ISYNA1: variants seen among roughly 807,000 people sequenced by gnomAD.
ISYNA1 encodes inositol-3-phosphate synthase 1.
ISYNA1 carries 34 observed loss-of-function variants against 50.3 expected under a neutral mutation model. The observed-to-expected ratio is 0.68, with a 90% CI of 0.51 to 0.90. The LOEUF is 0.90. Ranked by LOEUF, ISYNA1 falls within the 40% of genes least tolerant of loss-of-function variation. The pLI, the probability that ISYNA1 is intolerant of heterozygous loss-of-function variation, is 0.00. For missense variants in ISYNA1, 718 were observed against 784.8 expected, an observed-to-expected ratio of 0.91 and a Z score of 1.02; for synonymous variants, 396 against 349.9, an observed-to-expected ratio of 1.13 and a Z score of -1.47.
chr19:18,435,446 G>A lies in ISYNA1; in HGVS notation c.1292C>T (p.Ala431Val), dbSNP rs1309801100. The A allele has an allele frequency of 3.1e-6, 5 of 1,609,480 alleles. No homozygotes were observed. The highest frequency in any genetic ancestry group is 2.7e-5 in the African/African-American group (2 of 74,908). The change falls in exon 10 of 11, where the codon GCG becomes GTG. Residue 431 changes from alanine (A) to valine (V), a missense_variant. By Grantham distance (64) the Ala-to-Val change is moderately conservative. This residue lies in a region of ISYNA1 where 305 missense variants were observed against 292.6 expected (regional missense o/e 1.04). Coordinates refer to ENST00000338128, the MANE Select transcript of ISYNA1 (RefSeq NM_016368.5). The stretch of plus-strand genomic sequence containing the variant: ...GCGCTGGCACAGCTCGGTCAGCAGC[G>A]CTAGGTCCAGCATGATGGGTGCGGC... ...LLAAPIMLDL[A>V]LLTELCQRVS...
Position 18,437,713 on chromosome 19 carries a change from C to T in ISYNA1, c.168G>A (p.Val56=). The T allele has an allele frequency of 6.4e-7, 1 of 1,560,826 alleles. No homozygotes were observed. The highest frequency in any genetic ancestry group is 8.7e-7 in the Non-Finnish European group (1 of 1,156,032). Residue 56 remains valine (V), a synonymous_variant, in exon 3 of 11, where the codon GTG becomes GTA. Coordinates refer to ENST00000338128, the MANE Select transcript of ISYNA1 (RefSeq NM_016368.5). ...TRFTFRTARQ[V]PRLGVMLVGW... is the part of the protein sequence containing the mutation. ...CGACAAGCATGACCCCGAGCCGGGG[C>T]ACCTGCCGGGCGGTCCGGAAGGTGA...
chr19:18,434,907 G>A lies in ISYNA1; in HGVS notation c.*6C>T, dbSNP rs201744334. On this transcript the variant is annotated 3_prime_UTR_variant, in exon 11 of 11. Coordinates refer to ENST00000338128, the MANE Select transcript of ISYNA1 (RefSeq NM_016368.5). ...GGAAGAGCCGAGAAACTGTGTGACCGGGGCCTCAGGTGGTGGGCATTGGGG... is the reference window on the plus strand; with the variant it reads ...GGAAGAGCCGAGAAACTGTGTGACCAGGGCCTCAGGTGGTGGGCATTGGGG... The A allele has an allele frequency of 1.4e-5, 22 of 1,610,172 alleles. No homozygotes were observed. The highest frequency in any genetic ancestry group is 1.7e-5 in the Non-Finnish European group (20 of 1,178,110).
chr19:18,434,805 C>T lies in ISYNA1; in HGVS notation c.*108G>A, dbSNP rs1310221146. ...GTCAGGTCACAGGCCCCAAGAACCCCAGGTGGAAGGAGGGCTGAGTGGCAG... is the reference window on the plus strand; with the variant it reads ...GTCAGGTCACAGGCCCCAAGAACCCTAGGTGGAAGGAGGGCTGAGTGGCAG... On this transcript the variant is annotated 3_prime_UTR_variant, in exon 11 of 11. Transcript: ENST00000338128. The T allele has an allele frequency of 5.3e-6, 5 of 944,244 alleles. No individual in the cohort carries two copies. The highest frequency in any genetic ancestry group is 8.3e-6 in the Non-Finnish European group (5 of 602,888). The allele number at this position is 944,244 out of a possible 1,614,324, so 58.5% of individuals were successfully genotyped here. A position where few individuals can be genotyped will look rare whatever the true frequency, so the allele number is the denominator to read the frequency against.
rs1475639282 is a variant in ISYNA1, at chr19:18,437,091, G to T, written c.297C>A (p.Tyr99Ter). The T allele has an allele frequency of 6.3e-7, 1 of 1,583,860 alleles. No individual in the cohort carries two copies. ...TRSGRKEANY[Y>*]GSLTQAGTVS... ...CGGTGCCCGCCTGAGTCAGCGAGCC[G>T]TAGTAGTTGGCCTCCTGGGGGTCAG... The change falls in exon 4 of 11, where the codon TAC becomes TAA. Residue 99 changes from tyrosine (Y) to a stop codon, truncating the protein, a stop_gained. Coordinates refer to ENST00000338128, the MANE Select transcript of ISYNA1 (RefSeq NM_016368.5). LOFTEE classifies it high-confidence loss of function.
Position 18,437,079 on chromosome 19 carries a change from A to G in ISYNA1, c.309T>C (p.Thr103=). ...GGCCCAGGCTCACGGTGCCCGCCTG[A>G]GTCAGCGAGCCGTAGTAGTTGGCCT... ...RKEANYYGSL[T]QAGTVSLGLD... Residue 103 remains threonine, a synonymous_variant, in exon 4 of 11, where the codon ACT becomes ACC. Coordinates refer to ENST00000338128, the MANE Select transcript of ISYNA1 (RefSeq NM_016368.5). The G allele has an allele frequency of 6.4e-7, 1 of 1,573,666 alleles. No individual in the cohort carries two copies. The highest frequency in any genetic ancestry group is 8.6e-7 in the Non-Finnish European group (1 of 1,163,744).
At chr19:18,435,985 G>A (rs749269013) in intron 7 of ISYNA1, 47 bp downstream of exon 7, 14 of 1,612,278 alleles carry the variant, frequency 8.7e-6, no homozygotes, top group Admixed American at 6.7e-5. Flanking sequence ...AGGTGCTCGC[G>A]GCCCAGGCCC....
chr19:18,436,627 G>T, intron 5 of ISYNA1, 57 bp downstream of exon 5: 1 of 1,594,948 alleles, frequency 6.3e-7, no homozygotes, highest in South Asian at 1.1e-5. Flanking sequence ...CAAAAAGAGG[G>T]AACCAAGTGG....
Position 18,434,705 on chromosome 19 carries a change from G to T in ISYNA1, c.*208C>A. On this transcript the variant is annotated 3_prime_UTR_variant, in exon 11 of 11. Transcript: ENST00000338128. The stretch of plus-strand genomic sequence containing the variant: ...AGGTTCTGGGCTCTCCCTGGGAGTT[G>T]GGGTGATGACCATGGGCAGAGGGGA... The T allele has an allele frequency of 1.7e-6, 1 of 595,232 alleles. No individual in the cohort carries two copies. The highest frequency in any genetic ancestry group is 3.0e-6 in the Non-Finnish European group (1 of 335,466). 36.9% of individuals were successfully genotyped at this position (595,232 alleles called of 1,614,324 possible).
At position 18,437,004 on chromosome 19, in the gene ISYNA1, G is replaced by A. The variant is rs753819243; in HGVS notation, c.384C>T (p.Pro128=). The change falls in exon 4 of 11, where the codon CCC becomes CCT. Residue 128 remains proline (P), a synonymous_variant. Coordinates refer to ENST00000338128, the MANE Select transcript of ISYNA1 (RefSeq NM_016368.5). ...ACACGAGGTCGTTGGGCGCCACCAT[G>A]GGCAGCACCGCGCTGAAGGGTACGA... ...EVFVPFSAVL[P]MVAPNDLVFD... is the part of the protein sequence containing the mutation. 1.2e-6 allele frequency: 2 copies of A among 1,610,736 alleles called. No individual in the cohort carries two copies. Among genetic ancestry groups the A allele is most frequent in the Admixed American group, 1.7e-5 (1 of 59,946 alleles).
In ISYNA1 at chr19:18,436,443, A is replaced by C; in HGVS notation, c.646T>G (p.Ser216Ala). The change falls in exon 6 of 11, where the codon TCT becomes GCT. Residue 216 changes from serine (S) to alanine (A), a missense_variant. By Grantham distance (99) the Ser-to-Ala change is moderately conservative. Coordinates refer to ENST00000338128, the MANE Select transcript of ISYNA1 (RefSeq NM_016368.5). ...QIRRDIRDFR[S>A]SAGLDKVIVL... Reference sequence around the variant, plus strand: ...ATGACTTTGTCCAGCCCCGCGCTAGACCGGAAGTCTCGGATGTCCCTGCGG... The same window carrying C: ...ATGACTTTGTCCAGCCCCGCGCTAGCCCGGAAGTCTCGGATGTCCCTGCGG... The C allele has an allele frequency of 1.2e-6, 2 of 1,608,728 alleles. No individual in the cohort carries two copies. Among genetic ancestry groups the C allele is most frequent in the Non-Finnish European group, 1.7e-6 (2 of 1,179,822 alleles).
Position 18,434,807 on chromosome 19 carries a change from G to A in ISYNA1, c.*106C>T. ...CAGGTCACAGGCCCCAAGAACCCCA[G>A]GTGGAAGGAGGGCTGAGTGGCAGCG... On this transcript the variant is annotated 3_prime_UTR_variant, in exon 11 of 11. Transcript: ENST00000338128. 1 of 964,522 alleles carries A rather than the reference G, an allele frequency of 1.0e-6. No homozygotes were observed. Among genetic ancestry groups the A allele is most frequent in the Non-Finnish European group, 1.6e-6 (1 of 619,338 alleles). The allele number at this position is 964,522 out of a possible 1,614,324, so 59.7% of individuals were successfully genotyped here.
chr19:18,435,909 C>T lies in ISYNA1; in HGVS notation c.988G>A (p.Val330Met), dbSNP rs769634970. ...IGSGLKTMSI[V>M]SYNHLGNNDG... The stretch of plus-strand genomic sequence containing the variant: ...TTGTTGCCCAGGTGGTTGTAACTCA[C>T]GATGGACATGGTCTGTGGGTACAAG... Residue 330 changes from valine to methionine, a missense_variant, in exon 8 of 11, where the codon GTG (valine) becomes ATG (methionine). Coordinates refer to ENST00000338128, the MANE Select transcript of ISYNA1 (RefSeq NM_016368.5). 36 of 1,613,996 alleles carry T rather than the reference C, an allele frequency of 2.2e-5. No individual in the cohort carries two copies. In the South Asian group the frequency reaches 3.8e-4, roughly 17 times the overall value.
rs887542856 is a variant in ISYNA1, at chr19:18,437,627, A to G, written c.254T>C (p.Leu85Ser). ...GCGGCCGCTGCGCGTGGGCCAGGAC[A>G]AACGCAGTCGATTGGCCAGCACCGC... is the stretch of plus-strand genomic sequence containing the variant. ...TAAVLANRLR[L>S]SWPTRSGRKE... The change falls in exon 3 of 11, where the codon TTG becomes TCG. Residue 85 changes from leucine (L) to serine (S), a missense_variant. Transcript: ENST00000338128. 2 of 1,512,728 alleles carry G rather than the reference A, an allele frequency of 1.3e-6. No homozygotes were observed. The highest frequency in any genetic ancestry group is 2.8e-5 in the African/African-American group (2 of 71,358). The allele number at this position is 1,512,728 out of a possible 1,614,324, so 93.7% of individuals were successfully genotyped here. A position where few individuals can be genotyped will look rare whatever the true frequency, so the allele number is the denominator to read the frequency against.
chr19:18,437,988 G>A lies in ISYNA1; in HGVS notation c.-9C>T, dbSNP rs1974135847. On this transcript the variant is annotated splice_region_variant and 5_prime_UTR_variant, in exon 2 of 11. Transcript: ENST00000338128. ...TGGGCGGCGGCCTCCATCGCGGCGG[G>A]CTGGGGGCCCGGGGTGAGCAGGGGG... 1.9e-6 allele frequency: 3 copies of A among 1,561,730 alleles called. No individual in the cohort carries two copies. The highest frequency in any genetic ancestry group is 2.6e-6 in the Non-Finnish European group (3 of 1,155,832).
chr19:18,435,145 C>T lies in ISYNA1; in HGVS notation c.1473-28G>A, dbSNP rs1973912322. 7.5e-6 allele frequency: 12 copies of T among 1,610,602 alleles called. No homozygotes were observed. The East Asian group carries it at 2.7e-4, about 36-fold the overall frequency. On this transcript the variant is annotated intron_variant, in intron 10 of 10. Coordinates refer to ENST00000338128, the MANE Select transcript of ISYNA1 (RefSeq NM_016368.5). ...GGAGAGGTCACACAGCTTAGCAGAG[C>T]CAGACACCCACAGGGAGAAAGGGGG...
In ISYNA1 at chr19:18,436,366, GA is replaced by G. The variant is rs1433632890; in HGVS notation, c.722del (p.Leu241ProfsTer90). ...GCAGCAGGTTCTCGGCTGTGTCGTT[GA>G]GGCCTGGAATCACCTCACAGAAGCG... ...TERFCEVIPGLNDTAENLLRT... is the reference protein window; with the variant it reads ...TERFCEVIPGXNDTAENLLRT... On this transcript the variant is annotated frameshift_variant, in exon 6 of 11. Transcript: ENST00000338128. LOFTEE classifies it high-confidence loss of function. 1 of 1,612,526 alleles carries G rather than the reference GA, an allele frequency of 6.2e-7. No homozygotes were observed. Among genetic ancestry groups the G allele is most frequent in the Non-Finnish European group, 8.5e-7 (1 of 1,179,928 alleles).
At position 18,434,786 on chromosome 19, in the gene ISYNA1, T is replaced by G. The variant is rs1600385143; in HGVS notation, c.*127A>C. The G allele has an allele frequency of 3.8e-6, 3 of 788,576 alleles. No homozygotes were observed. In the South Asian group the frequency reaches 4.8e-5, roughly 13 times the overall value. The allele number at this position is 788,576 out of a possible 1,614,324, so 48.8% of individuals were successfully genotyped here. ...GGAAGTAGAGGGAGGCAGAGTCAGG[T>G]CACAGGCCCCAAGAACCCCAGGTGG... is the stretch of plus-strand genomic sequence containing the variant. On this transcript the variant is annotated 3_prime_UTR_variant, in exon 11 of 11. Transcript: ENST00000338128.
rs369473497 is a variant in ISYNA1 at position 18,436,392 on chromosome 19, G to T, written c.697C>A (p.Arg233Ser). The change falls in exon 6 of 11, where the codon CGC becomes AGC. Residue 233 changes from arginine to serine, a missense_variant. Coordinates refer to ENST00000338128, the MANE Select transcript of ISYNA1 (RefSeq NM_016368.5). ...AGGCCTGGAATCACCTCACAGAAGC[G>T]CTCCGTGTTCGCCGTCCACAGCACT... Reference protein sequence around the residue: ...VIVLWTANTERFCEVIPGLND... With the variant: ...VIVLWTANTESFCEVIPGLND... 2.0e-5 allele frequency: 32 copies of T among 1,612,046 alleles called. No homozygotes were observed. In the East Asian group the frequency reaches 4.7e-4, roughly 24 times the overall value.
rs775173727 is a variant in ISYNA1 at position 18,435,836 on chromosome 19, A to G, written c.1061T>C (p.Val354Ala). 3.1e-6 allele frequency: 5 copies of G among 1,613,792 alleles called. No individual in the cohort carries two copies. In the African/African-American group the frequency reaches 6.7e-5, roughly 22 times the overall value. Residue 354 changes from valine (V) to alanine (A), a missense_variant, in exon 8 of 11, where the codon GTG (valine) becomes GCG (alanine). This residue lies in a region of ISYNA1 where 305 missense variants were observed against 292.6 expected (regional missense o/e 1.04). Coordinates refer to ENST00000338128, the MANE Select transcript of ISYNA1 (RefSeq NM_016368.5). ...GTCGTCCACCACGTTGCTCTTGGAC[A>G]CCTCCTTAGAGCGGAACTGCAATGG... ...SAPLQFRSKE[V>A]SKSNVVDDMV...
Sources: gnomAD v4.1 joint callset for allele counts on GRCh38, gnomAD v4.1.1 for gene constraint, gnomAD v4.1.1 regional missense constraint, MANE v1.5 for transcripts, NCBI Gene and HGNC (gene_info 2026-07-23, HGNC 2026-07-21) for gene names.